The following TRIO variants were observed in gnomAD, a reference collection of about 807,000 sequenced individuals.
TRIO encodes the protein triple functional domain protein.
Under a neutral mutation model 351.9 loss-of-function variants are expected in TRIO, and 58 were observed. The ratio of observed to expected loss-of-function variants is 0.16; its 90% CI spans 0.13 to 0.21. TRIO has a LOEUF of 0.21. TRIO is among the 10% of genes least tolerant of loss of function. The pLI, the probability that TRIO is intolerant of heterozygous loss-of-function variation, is 1.00. For synonymous variants in TRIO, 1,758 were observed against 1,595.7 expected (o/e 1.10, Z -2.42); for missense variants, 3,201 against 4,027.8 (o/e 0.79, Z 5.56).
intron 1 of TRIO, among the ~76,000 whole-genome samples, chr5:14,217,402 G>C (rs891939872): frequency 1.3e-5 from 2 of 152,102 alleles, no homozygotes; most frequent in African/African-American, 4.8e-5. Flanking sequence ...TAGTCCCCAG[G>C]AGAGTGAGAG....
At position 14,336,604 on chromosome 5, in the gene TRIO, C is replaced by T. The variant is rs757722248; in HGVS notation, c.1923C>T (p.Asp641=). ...AGCTGGCTCAGACTGGGGAATGTGA[C>T]CCCGAAGAGATTTATCAGGCTGCCC... is the stretch of plus-strand genomic sequence containing the variant. ...AEQLAQTGEC[D]PEEIYQAAHQ... The change falls in exon 11 of 57, where the codon GAC becomes GAT. Residue 641 remains aspartate, a synonymous_variant. Coordinates refer to ENST00000344204, the MANE Select transcript of TRIO (RefSeq NM_007118.4). 2.8e-5 allele frequency: 45 copies of T among 1,614,130 alleles called. No homozygotes were observed. Among genetic ancestry groups the T allele is most frequent in the Non-Finnish European group, 3.6e-5 (43 of 1,180,030 alleles).
intron 6 of TRIO, among the ~76,000 whole-genome samples, chr5:14,295,842 T>C (rs1411973664): frequency 1.3e-5 from 2 of 152,212 alleles, no homozygotes; most frequent in Non-Finnish European, 2.9e-5. Flanking sequence ...AGACATGCGA[T>C]GTCTGTTAGC....
intron 37 of TRIO, among the ~76,000 whole-genome samples, chr5:14,469,844 C>T (rs905087318): frequency 6.6e-6 from 1 of 152,238 alleles, no homozygotes; most frequent in Non-Finnish European, 1.5e-5. Flanking sequence ...GTGACTTTAC[C>T]TCCCTGCCGT....
At chr5:14,369,285 C>T (rs746786124) in intron 17 of TRIO, 89 bp from the exon 18 acceptor site, 24 of 1,494,724 alleles carry the variant, frequency 1.6e-5, no homozygotes, top group Non-Finnish European at 2.1e-5. Context: ...GCATCTTCAT[C>T]CCCAGAGCCC....
chr5:14,323,537 T>G (rs566712301), intron 9 of TRIO, among the ~76,000 whole-genome samples: 1 of 137,874 alleles, frequency 7.3e-6, no homozygotes, highest in Non-Finnish European at 1.6e-5. Flanking sequence ...GAGAGGAGTT[T>G]AGTCCTTTAG....
intron 1 of TRIO, among the ~76,000 whole-genome samples, chr5:14,196,687 G>A (rs1021719458): frequency 2.0e-5 from 3 of 152,190 alleles, no homozygotes; most frequent in Admixed American, 2.0e-4. Flanking sequence ...TGGTGCCTGC[G>A]AAGTTAGGTT....
chr5:14,232,049 A>G (rs893522112), intron 1 of TRIO, among the ~76,000 whole-genome samples: 1 of 152,142 alleles, frequency 6.6e-6, no homozygotes, highest in Non-Finnish European at 1.5e-5. Flanking sequence ...AAAGCATACT[A>G]TGTTATCTCA....
chr5:14,466,875 A>G (rs1002570067), intron 37 of TRIO, among the ~76,000 whole-genome samples: 2 of 152,212 alleles, frequency 1.3e-5, no homozygotes, highest in African/African-American at 2.4e-5. Context: ...CCTTTATTTA[A>G]TAACTGTATA....
intron 1 of TRIO, among the ~76,000 whole-genome samples, chr5:14,207,707 G>A (rs1203004442): frequency 6.6e-6 from 1 of 151,258 alleles, no homozygotes; most frequent in Non-Finnish European, 1.5e-5. Flanking sequence ...GCAAGACCTT[G>A]TCTCAGAGAG....
chr5:14,369,707 T>C (rs1744914141), intron 18 of TRIO, among the ~76,000 whole-genome samples, 184 bp downstream of exon 18: 1 of 152,248 alleles, frequency 6.6e-6, no homozygotes, highest in Non-Finnish European at 1.5e-5. Context: ...ATCCTTTTCA[T>C]GTGCGATTGC....
At chr5:14,273,666 C>A (rs2152271541) in intron 2 of TRIO, among the ~76,000 whole-genome samples, 1 of 152,316 alleles carries the variant, frequency 6.6e-6, no homozygotes, top group African/African-American at 2.4e-5. Flanking sequence ...CTCTTCTGCC[C>A]ATGGAGGATG....
At chr5:14,451,639 G>T (rs534393091) in intron 34 of TRIO, among the ~76,000 whole-genome samples, 6 of 152,332 alleles carry the variant, frequency 3.9e-5, no homozygotes, top group African/African-American at 1.4e-4. Flanking sequence ...ATTACACCGG[G>T]ACTGCCCTCT....
chr5:14,170,415 A>AT (rs1391357147), intron 1 of TRIO, among the ~76,000 whole-genome samples: 2 of 151,590 alleles, frequency 1.3e-5, no homozygotes, highest in Non-Finnish European at 2.9e-5. Context: ...TTTAACTTTT[A>AT]TTTAAAACAA....
At chr5:14,146,283 A>G (rs1055159198) in intron 1 of TRIO, among the ~76,000 whole-genome samples, 2 of 152,136 alleles carry the variant, frequency 1.3e-5, no homozygotes, top group Non-Finnish European at 2.9e-5. Flanking sequence ...CTTTTCTAAG[A>G]CTCAGAAACA....
At chr5:14,335,898 A>G (rs1003757100) in intron 10 of TRIO, among the ~76,000 whole-genome samples, 2 of 152,138 alleles carry the variant, frequency 1.3e-5, no homozygotes, top group Admixed American at 6.6e-5. Flanking sequence ...CCAGGAGTTC[A>G]AGGCTGCAGT....
intron 34 of TRIO, 80 bp from the exon 35 acceptor site, chr5:14,460,939 A>G: frequency 7.0e-7 from 1 of 1,432,042 alleles, no homozygotes; most frequent in South Asian, 1.6e-5. Context: ...GCTTCCCTGC[A>G]GCCTGCGGGA....
At chr5:14,172,167 T>A (rs1789138487) in intron 1 of TRIO, among the ~76,000 whole-genome samples, 5 of 152,142 alleles carry the variant, frequency 3.3e-5, no homozygotes, top group Admixed American at 1.3e-4. Flanking sequence ...TTGCTTGAAG[T>A]CAGTGTCAGT....
At chr5:14,317,208 A>T (rs1739451354) in intron 9 of TRIO, among the ~76,000 whole-genome samples, 1 of 152,194 alleles carries the variant, frequency 6.6e-6, no homozygotes, top group African/African-American at 2.4e-5. Context: ...CACTTTTATG[A>T]CTATTCATTT....
intron 48 of TRIO, chr5:14,488,719 C>T (rs1392267836): frequency 3.5e-6 from 2 of 571,600 alleles, no homozygotes; most frequent in South Asian, 2.1e-5. Context: ...GACTCATCTG[C>T]TGGGGAAGAC....
Sources: gnomAD v4.1 joint callset for allele counts (sites outside exome capture counted in the v4.1 genomes callset) on GRCh38, gnomAD v4.1.1 for gene constraint, MANE v1.5 for transcripts, NCBI Gene and HGNC (gene_info 2026-07-23, HGNC 2026-07-21) for gene names.